Variants in NUMBL observed in about 807,000 individuals in gnomAD.
NUMBL encodes NUMB like endocytic adaptor protein.
A neutral mutation model predicts 48.9 loss-of-function variants in NUMBL; 20 were observed. The observed-to-expected ratio is 0.41, with a 90% CI of 0.29 to 0.59. NUMBL has a LOEUF of 0.59. Among genes scored for constraint, NUMBL ranks in the 20% least tolerant of loss-of-function variants. The pLI is 0.31. For synonymous variants in NUMBL, 340 were observed against 348.7 expected (o/e 0.98, Z 0.28); for missense variants, 660 against 846.2 (o/e 0.78, Z 2.73).
Position 40,667,770 on chromosome 19 carries a change from T to A in NUMBL, c.1528A>T (p.Ile510Phe), listed in dbSNP as rs2081819624. The part of the protein sequence containing the change: ...PPMPRVPVVG[I>F]TPSQMVANAF... ...TTTGCCACCATCTGTGAGGGTGTGA[T>A]GCCCACCACGGGCACCCGGGGCATC... Residue 510 changes from isoleucine (I) to phenylalanine (F), a missense_variant, in exon 10 of 10, where the codon ATC becomes TTC. By Grantham distance (21) the Ile-to-Phe change is conservative (BLOSUM62 0). Around this residue, in one of 3 missense-constraint regions of NUMBL, gnomAD observed 296 missense variants for 339.7 expected, o/e 0.87. Transcript: ENST00000252891. This position sits in a 1 kb window ranked among gnomAD's most constrained non-coding sequence, Gnocchi z 6.1. 1 of 1,580,836 alleles carries A rather than the reference T, an allele frequency of 6.3e-7. No homozygotes were observed. The highest frequency in any genetic ancestry group is 8.6e-7 in the Non-Finnish European group (1 of 1,163,922).
In NUMBL at chr19:40,682,514, C is replaced by A. The variant is rs1480171738; in HGVS notation, c.399+214G>T. 1.3e-5 allele frequency among the ~76,000 whole-genome samples: 2 copies of A among 152,208 alleles called. No homozygotes were observed. Among genetic ancestry groups the A allele is most frequent in the African/African-American group, 2.4e-5 (1 of 41,458 alleles). ...CCCTAAGCTGGGATCGGAGCTGAGG[C>A]AGCTGCTCCAGTCTCTCTCACCCAC... On this transcript the variant is annotated intron_variant, in intron 5 of 9. Transcript: ENST00000252891. This position sits in a 1 kb window ranked among gnomAD's most constrained non-coding sequence, Gnocchi z 4.0.
chr19:40,690,560 G>A lies in NUMBL; in HGVS notation c.-77C>T. On this transcript the variant is annotated 5_prime_UTR_variant, in exon 1 of 10. Transcript: ENST00000252891. ...CGACTGCTGCTGCTGCGGTGGTGGC[G>A]GCGGCAGCTCGGTCTGACGCCGGCC... The A allele has an allele frequency of 7.4e-6, 7 of 942,756 alleles. No homozygotes were observed. Among genetic ancestry groups the A allele is most frequent in the Non-Finnish European group, 9.6e-6 (7 of 726,930 alleles). 58.4% of individuals were successfully genotyped at this position (942,756 alleles called of 1,614,324 possible). A position where few individuals can be genotyped will look rare whatever the true frequency, so the allele number is the denominator to read the frequency against.
At chr19:40,679,973 T>A (rs1458932703) in intron 6 of NUMBL, among the ~76,000 whole-genome samples, 1 of 152,052 alleles carries the variant, frequency 6.6e-6, no homozygotes, top group Non-Finnish European at 1.5e-5. Flanking sequence ...TATGTGAATT[T>A]CACCTCAAGA....
In NUMBL at chr19:40,679,188, G is replaced by A. The variant is rs549251742; in HGVS notation, c.540+1729C>T. On this transcript the variant is annotated intron_variant, in intron 6 of 9. Coordinates refer to ENST00000252891, the MANE Select transcript of NUMBL (RefSeq NM_004756.5). ...CTGGATCGCTTGAGTCCAGGAGTTC[G>A]AGACCAGCCTGGGCAACATGGCGAA... Among the ~76,000 whole-genome samples, 10 of 152,060 alleles carry A rather than the reference G, an allele frequency of 6.6e-5. No individual in the cohort carries two copies. In the South Asian group the frequency reaches 1.9e-3, roughly 28 times the overall value.
Position 40,684,401 on chromosome 19 carries a change from T to C in NUMBL, c.249+16A>G. ...CCGTCCCCCTCGCCCCGCCGCACCC[T>C]GCCGCGCCCACTCACCCTGACCGGG... On this transcript the variant is annotated intron_variant, in intron 3 of 9. Coordinates refer to ENST00000252891, the MANE Select transcript of NUMBL (RefSeq NM_004756.5). 1 of 1,548,552 alleles carries C rather than the reference T, an allele frequency of 6.5e-7. No homozygotes were observed. Among genetic ancestry groups the C allele is most frequent in the East Asian group, 2.4e-5 (1 of 41,316 alleles).
intron 1 of NUMBL, 87 bp downstream of exon 1, chr19:40,690,373 T>A: frequency 2.5e-6 from 2 of 784,552 alleles, no homozygotes; most frequent in Non-Finnish European, 3.5e-6. Context: ...CCTCTCTCCA[T>A]CCGGGCGCCG....
At chr19:40,670,148 GC>G in intron 8 of NUMBL, 128 bp from the exon 9 acceptor site, 1 of 1,103,130 alleles carries the variant, frequency 9.1e-7, no homozygotes, top group Non-Finnish European at 1.3e-6. Flanking sequence ...TAACTAAGTG[GC>G]CATGACCGCC....
At chr19:40,674,975 C>G (rs2081866962) in intron 7 of NUMBL, among the ~76,000 whole-genome samples, 1 of 151,800 alleles carries the variant, frequency 6.6e-6, no homozygotes, top group African/African-American at 2.4e-5. Flanking sequence ...ACCATCTCTA[C>G]TAAAAATACA....
chr19:40,677,403 C>T lies in NUMBL; in HGVS notation c.559G>A (p.Ala187Thr). The T allele has an allele frequency of 1.2e-6, 2 of 1,609,798 alleles. No individual in the cohort carries two copies. Among genetic ancestry groups the T allele is most frequent in the South Asian group, 1.1e-5 (1 of 91,016 alleles). Residue 187 changes from alanine (A) to threonine (T), a missense_variant, in exon 7 of 10, where the codon GCT becomes ACT. This residue lies in a region of NUMBL where 278 missense variants were observed against 420.6 expected (regional missense o/e 0.66). Transcript: ENST00000252891. Reference sequence around the variant, plus strand: ...CAGGCGGCAAAAGCACAGCCCACAGCGTGGCTCAGCCTCTCGCCCTATGGG... The same window carrying T: ...CAGGCGGCAAAAGCACAGCCCACAGTGTGGCTCAGCCTCTCGCCCTATGGG... ...LKDSGERLSH[A>T]VGCAFAACLE...
chr19:40,677,106 G>A (rs895712852), intron 7 of NUMBL, 126 bp downstream of exon 7: 7 of 1,028,684 alleles, frequency 6.8e-6, no homozygotes, highest in Non-Finnish European at 7.0e-6. Context: ...GAACCATGGC[G>A]CTTGGCCTGA....
chr19:40,680,589 C>T (rs2081899918), intron 6 of NUMBL, among the ~76,000 whole-genome samples: 1 of 152,118 alleles, frequency 6.6e-6, no homozygotes, highest in Non-Finnish European at 1.5e-5. Context: ...GCTGGGACTA[C>T]AGGTGTGCAC....
intron 1 of NUMBL, among the ~76,000 whole-genome samples, chr19:40,689,856 G>A (rs780480299): frequency 9.9e-5 from 15 of 151,998 alleles, no homozygotes; most frequent in Admixed American, 7.2e-4. Flanking sequence ...CTGGGGTGGG[G>A]TGGAGTCCCA....
In NUMBL at chr19:40,667,180, T is replaced by G; in HGVS notation, c.*288A>C. On this transcript the variant is annotated 3_prime_UTR_variant, in exon 10 of 10. Transcript: ENST00000252891. This position sits in a 1 kb window ranked among gnomAD's most constrained non-coding sequence, Gnocchi z 6.1. ...TGTGAACCAAGGGCATTCAGTGGGATTGTGGCCAACCCCTGTGTCTGGGGT... is the reference window on the plus strand; with the variant it reads ...TGTGAACCAAGGGCATTCAGTGGGAGTGTGGCCAACCCCTGTGTCTGGGGT... 1.0e-4 allele frequency: 40 copies of G among 401,044 alleles called. No individual in the cohort carries two copies. The highest frequency in any genetic ancestry group is 2.8e-4 in the East Asian group (5 of 18,164). The allele number at this position is 401,044 out of a possible 1,614,324, so 24.8% of individuals were successfully genotyped here.
At chr19:40,680,229 T>TCATGTGATTCTCCCCA (rs1300115834) in intron 6 of NUMBL, among the ~76,000 whole-genome samples, 4 of 151,284 alleles carry the variant, frequency 2.6e-5, no homozygotes, top group African/African-American at 7.3e-5. Flanking sequence ...TCTCCAGGGT[T>TCATGTGATTCTCCCCA]CATGTGATTC....
At chr19:40,670,430 C>A (rs962861206) in intron 8 of NUMBL, among the ~76,000 whole-genome samples, 1 of 152,186 alleles carries the variant, frequency 6.6e-6, no homozygotes, top group Admixed American at 6.5e-5. Flanking sequence ...CAGCTTTGGG[C>A]AGAGAAGTGG....
Position 40,667,314 on chromosome 19 carries a change from G to T in NUMBL, c.*154C>A. On this transcript the variant is annotated 3_prime_UTR_variant, in exon 10 of 10. Transcript: ENST00000252891. This position sits in a 1 kb window ranked among gnomAD's most constrained non-coding sequence, Gnocchi z 6.1. The stretch of plus-strand genomic sequence containing the variant: ...GTTGCAACCTGGGCGTCACAATGTT[G>T]GTTCTGTAGTGGTTGTCGGGGTGGT... 1.8e-6 allele frequency: 2 copies of T among 1,088,200 alleles called. No homozygotes were observed. The highest frequency in any genetic ancestry group is 1.3e-6 in the Non-Finnish European group (1 of 780,892). The allele number at this position is 1,088,200 out of a possible 1,614,324, so 67.4% of individuals were successfully genotyped here.
chr19:40,677,938 ATAT>A lies in NUMBL; in HGVS notation c.541-520_541-518del, dbSNP rs554646986. Among the ~76,000 whole-genome samples the A allele has an allele frequency of 7.2e-5, 11 of 152,200 alleles. No individual in the cohort carries two copies. The East Asian group carries it at 1.9e-3, about 27-fold the overall frequency. ...TGACCGGGTGGTGGCAATGTTCTAG[ATAT>A]TGATAGGGGTTTCGTTACATGGGTG... On this transcript the variant is annotated intron_variant, in intron 6 of 9. Transcript: ENST00000252891.
rs1382927548 is a variant in NUMBL at position 40,667,614 on chromosome 19, A to G, written c.1684T>C (p.Trp562Arg). The G allele has an allele frequency of 1.9e-6, 3 of 1,554,694 alleles. No homozygotes were observed. The highest frequency in any genetic ancestry group is 1.7e-6 in the Non-Finnish European group (2 of 1,149,270). ...QARPRPNGAPWPPEPAPAPAP... is the reference protein window; with the variant it reads ...QARPRPNGAPRPPEPAPAPAP... ...GGGGCAGGCGCTGGCTCAGGGGGCC[A>G]GGGGGCCCCATTGGGGCGAGGGCGG... Residue 562 changes from tryptophan to arginine, a missense_variant, in exon 10 of 10, where the codon TGG (tryptophan) becomes CGG (arginine). By Grantham distance (101) the Trp-to-Arg change is moderately radical. Coordinates refer to ENST00000252891, the MANE Select transcript of NUMBL (RefSeq NM_004756.5). The surrounding 1 kb of genome is among the most constrained non-coding windows in gnomAD (Gnocchi z 6.1).
In NUMBL at chr19:40,688,799, C is replaced by G. The variant is rs558867810; in HGVS notation, c.24+1661G>C. 1.3e-5 allele frequency among the ~76,000 whole-genome samples: 2 copies of G among 152,334 alleles called. No homozygotes were observed. Among genetic ancestry groups the G allele is most frequent in the East Asian group, 3.8e-4 (2 of 5,196 alleles). ...ATAGCCAGGGTTTCAGACACCAAGT[C>G]AAATACATAACCCAAATCACACATG... On this transcript the variant is annotated intron_variant, in intron 1 of 9. Coordinates refer to ENST00000252891, the MANE Select transcript of NUMBL (RefSeq NM_004756.5). This position sits in a 1 kb window ranked among gnomAD's most constrained non-coding sequence, Gnocchi z 4.6.
Sources: allele counts gnomAD v4.1 joint callset (sites outside exome capture counted in the v4.1 genomes callset), GRCh38; gene constraint gnomAD v4.1.1; regional missense constraint gnomAD v4.1.1; non-coding constraint Gnocchi (gnomAD v3.1); transcripts MANE v1.5; gene names NCBI Gene and HGNC (gene_info 2026-07-23, HGNC 2026-07-21).